GPX6: variants seen among roughly 807,000 people sequenced by gnomAD.
The protein encoded by GPX6 is glutathione peroxidase 6 (olfactory).
Under a neutral mutation model 20.0 loss-of-function variants are expected in GPX6, and 21 were observed. The ratio of observed to expected loss-of-function variants is 1.05; its 90% CI spans 0.74 to 1.51. The LOEUF is 1.51. Ranked by LOEUF, GPX6 falls within the 40% of genes most tolerant of loss-of-function variation. The pLI is 0.00. For missense variants in GPX6, 233 were observed against 254.7 expected (o/e 0.91, Z 0.58); for synonymous variants, 75 against 98.0 (o/e 0.77, Z 1.38).
chr6:28,510,641 A>T, intron 2 of GPX6, 110 bp downstream of exon 2: 1 of 1,023,514 alleles, frequency 9.8e-7, no homozygotes, highest in Non-Finnish European at 1.4e-6. Flanking sequence ...GAGTCACCTG[A>T]TCAGTTCTCC....
chr6:28,512,286 A>G (rs1762895283), intron 1 of GPX6, among the ~76,000 whole-genome samples: 1 of 152,216 alleles, frequency 6.6e-6, no homozygotes, highest in Non-Finnish European at 1.5e-5. Context: ...CTTTATGTCT[A>G]GCTAAGGGAT....
chr6:28,506,733 A>G (rs1275067380), intron 2 of GPX6, among the ~76,000 whole-genome samples: 1 of 149,640 alleles, frequency 6.7e-6, no homozygotes, highest in African/African-American at 2.5e-5. Flanking sequence ...ACACACACAC[A>G]CACGTTGGTA....
chr6:28,505,750 C>T lies in GPX6; in HGVS notation c.412G>A (p.Gly138Arg). The stretch of plus-strand genomic sequence containing the variant: ...TGTTCTTTTTCTCCATTCACATCCC[C>T]TTTCTCAAAGAGCTGGAAACTGGGG... Reference protein sequence around the residue: ...FVPSFQLFEKGDVNGEKEQKV... With the variant: ...FVPSFQLFEKRDVNGEKEQKV... Residue 138 changes from glycine (G) to arginine (R), a missense_variant, in exon 4 of 5, where the codon GGG becomes AGG. By Grantham distance (125) the Gly-to-Arg change is moderately radical (BLOSUM62 -2). Coordinates refer to ENST00000361902, the MANE Select transcript of GPX6 (RefSeq NM_182701.1). 4 of 1,614,046 alleles carry T rather than the reference C, an allele frequency of 2.5e-6. No homozygotes were observed. Among genetic ancestry groups the T allele is most frequent in the Non-Finnish European group, 3.4e-6 (4 of 1,179,910 alleles).
chr6:28,511,273 ATAAG>A (rs1408911909), intron 1 of GPX6, among the ~76,000 whole-genome samples: 1 of 152,240 alleles, frequency 6.6e-6, no homozygotes, highest in South Asian at 2.1e-4. Flanking sequence ...AGGATTTCTC[ATAAG>A]TAAGTTTTGC....
At chr6:28,513,896 C>G (rs1276658149) in intron 1 of GPX6, among the ~76,000 whole-genome samples, 1 of 152,218 alleles carries the variant, frequency 6.6e-6, no homozygotes, top group Non-Finnish European at 1.5e-5. Context: ...CACAAGGCCA[C>G]AGCTTCTCCT....
At chr6:28,504,598 C>T in intron 4 of GPX6, 100 bp from the exon 5 acceptor site, 2 of 1,018,830 alleles carry the variant, frequency 2.0e-6, no homozygotes, top group Non-Finnish European at 2.9e-6. Flanking sequence ...AGTCTACTCA[C>T]CATTATGTAT....
intron 1 of GPX6, among the ~76,000 whole-genome samples, chr6:28,511,574 C>T (rs1004006472): frequency 6.6e-6 from 1 of 152,280 alleles, no homozygotes; most frequent in African/African-American, 2.4e-5. Context: ...CAGCCAGAGG[C>T]ACTGGCGCTG....
At chr6:28,512,926 G>A (rs1335141610) in intron 1 of GPX6, among the ~76,000 whole-genome samples, 1 of 151,894 alleles carries the variant, frequency 6.6e-6, no homozygotes, top group Non-Finnish European at 1.5e-5. Context: ...CCGCCAGAAG[G>A]AACAAACTCT....
At chr6:28,505,415 G>T (rs758686507) in intron 4 of GPX6, among the ~76,000 whole-genome samples, 1 of 152,124 alleles carries the variant, frequency 6.6e-6, no homozygotes, top group African/African-American at 2.4e-5. Flanking sequence ...CAGACTATGC[G>T]CTATTAATGT....
intron 1 of GPX6, among the ~76,000 whole-genome samples, chr6:28,512,171 G>A (rs1187761300): frequency 6.6e-5 from 10 of 152,246 alleles, no homozygotes; most frequent in Non-Finnish European, 1.2e-4. Context: ...TGAGGAGTGC[G>A]GGCGCAGGGC....
rs1762806762 is a variant in GPX6, at chr6:28,506,380, C to T, written c.291G>A (p.Leu97=). The T allele has an allele frequency of 6.2e-7, 1 of 1,613,718 alleles. No individual in the cohort carries two copies. Among genetic ancestry groups the T allele is most frequent in the African/African-American group, 1.3e-5 (1 of 74,882 alleles). Residue 97 remains leucine (L), a synonymous_variant, in exon 3 of 5, where the codon TTG becomes TTA. Coordinates refer to ENST00000361902, the MANE Select transcript of GPX6 (RefSeq NM_182701.1). ...TTCCAAACTGGTTGCAGGGAAAGGCCAACACAATGACACCAAAATTCTTCA... is the reference window on the plus strand; with the variant it reads ...TTCCAAACTGGTTGCAGGGAAAGGCTAACACAATGACACCAAAATTCTTCA... ...EELKNFGVIV[L]AFPCNQFGKQ...
Position 28,503,432 on chromosome 6 carries a change from T to A in GPX6, c.*860A>T, listed in dbSNP as rs1389103310. 6.6e-6 allele frequency: 1 copy of A among 152,284 alleles called. No homozygotes were observed. The highest frequency in any genetic ancestry group is 1.9e-4 in the East Asian group (1 of 5,204). 9.4% of individuals were successfully genotyped at this position (152,284 alleles called of 1,614,324 possible). The stretch of plus-strand genomic sequence containing the variant: ...AGAAGAAGTATGACTGGACATAATA[T>A]GGGACTGGGAAAACACCACACAGAG... On this transcript the variant is annotated 3_prime_UTR_variant, in exon 5 of 5. Coordinates refer to ENST00000361902, the MANE Select transcript of GPX6 (RefSeq NM_182701.1).
intron 1 of GPX6, among the ~76,000 whole-genome samples, chr6:28,513,479 A>G (rs530085834): frequency 3.9e-5 from 6 of 152,318 alleles, no homozygotes; most frequent in African/African-American, 1.4e-4. Flanking sequence ...GCCCCGTCGC[A>G]TGCCTTGTGA....
chr6:28,512,770 C>T (rs919723870), intron 1 of GPX6, among the ~76,000 whole-genome samples: 1 of 152,124 alleles, frequency 6.6e-6, no homozygotes, highest in African/African-American at 2.4e-5. Flanking sequence ...AGCTTCACTC[C>T]TGAAGCCAGC....
intron 2 of GPX6, 150 bp from the exon 3 acceptor site, chr6:28,506,579 A>G (rs78915427): frequency 1.7e-5 from 4 of 230,288 alleles, no homozygotes; most frequent in South Asian, 1.6e-4. Context: ...AGGAGTAGAG[A>G]AAAAAAAAAA....
chr6:28,514,055 C>T (rs766890936), intron 1 of GPX6, among the ~76,000 whole-genome samples: 1 of 152,232 alleles, frequency 6.6e-6, no homozygotes, highest in African/African-American at 2.4e-5. Context: ...ATCTATATGC[C>T]TGCATTCGTT....
chr6:28,511,552 C>T (rs1457643580), intron 1 of GPX6, among the ~76,000 whole-genome samples: 1 of 152,274 alleles, frequency 6.6e-6, no homozygotes, highest in Non-Finnish European at 1.5e-5. Context: ...TATAAAAACT[C>T]TGAGACCCTA....
chr6:28,514,918 G>T (rs979547513), intron 1 of GPX6, among the ~76,000 whole-genome samples: 1 of 152,126 alleles, frequency 6.6e-6, no homozygotes, highest in African/African-American at 2.4e-5. Context: ...TGCTCAGTCC[G>T]CATCCTAAGA....
In GPX6 at chr6:28,510,859, C is replaced by T. The variant is rs753536826; in HGVS notation, c.133G>A (p.Ala45Thr). Reference protein sequence around the residue: ...GVTGTIYEYGALTLNGEEYIQ... With the variant: ...GVTGTIYEYGTLTLNGEEYIQ... ...TACTCCTCGCCGTTGAGGGTGAGGG[C>T]TCCATACTCATAGATGGTGCCTGTT... The change falls in exon 2 of 5, where the codon GCC (alanine) becomes ACC (threonine). Residue 45 changes from alanine to threonine, a missense_variant. Physicochemically the swap from Ala to Thr is moderately conservative, Grantham distance 58 (BLOSUM62 0). Coordinates refer to ENST00000361902, the MANE Select transcript of GPX6 (RefSeq NM_182701.1). 2.5e-6 allele frequency: 4 copies of T among 1,613,898 alleles called. No homozygotes were observed. The highest frequency in any genetic ancestry group is 1.3e-5 in the African/African-American group (1 of 74,918).
Sources: gnomAD v4.1 joint callset for allele counts (sites outside exome capture counted in the v4.1 genomes callset) on GRCh38, gnomAD v4.1.1 for gene constraint, MANE v1.5 for transcripts, NCBI Gene and HGNC (gene_info 2026-07-23, HGNC 2026-07-21) for gene names.